PCM1: variants seen among roughly 807,000 people sequenced by gnomAD.
The protein encoded by PCM1 is pericentriolar material 1.
In PCM1, 157 loss-of-function variants were observed where a neutral mutation model predicts 241.9. The observed-to-expected ratio is 0.65, with a 90% CI of 0.57 to 0.74. The LOEUF (loss-of-function observed/expected upper bound fraction) is 0.74, where lower values mean the gene tolerates loss of function less well. Ranked by LOEUF, PCM1 falls within the 30% of genes least tolerant of loss-of-function variation. The pLI is 0.00. For missense variants in PCM1, 3,478 were observed against 2,360.1 expected, an observed-to-expected ratio of 1.47 and a Z score of -9.81; for synonymous variants, 1,085 against 784.9, an observed-to-expected ratio of 1.38 and a Z score of -6.39.
chr8:18,017,426 T>A lies in PCM1; in HGVS notation c.5841+2586T>A, dbSNP rs146699260. On this transcript the variant is annotated intron_variant, in intron 36 of 38. Transcript: ENST00000325083. ...CTATATTAGTCACCATAGCTGAACATTTTGAGAGAACATTAGAACTAGAAA... is the reference window on the plus strand; with the variant it reads ...CTATATTAGTCACCATAGCTGAACAATTTGAGAGAACATTAGAACTAGAAA... Among the ~76,000 whole-genome samples, 208 of 152,278 alleles carry A rather than the reference T, an allele frequency of 1.4e-3. 1 individual carries two copies. Among genetic ancestry groups the A allele is most frequent in the African/African-American group, 4.8e-3 (199 of 41,554 alleles).
At chr8:17,980,986 G>C (rs551312381) in intron 24 of PCM1, among the ~76,000 whole-genome samples, 3 of 152,224 alleles carry the variant, frequency 2.0e-5, no homozygotes, top group African/African-American at 7.2e-5. Context: ...CTAAACAAAG[G>C]ATAGTTACAA....
At chr8:18,003,269 C>T (rs765001482) in intron 29 of PCM1, among the ~76,000 whole-genome samples, 17 of 152,202 alleles carry the variant, frequency 1.1e-4, no homozygotes. Flanking sequence ...GAATCTTCAA[C>T]CCTCAACTGT....
At chr8:17,957,485 A>G in intron 12 of PCM1, 55 bp from the exon 13 acceptor site, 2 of 1,605,256 alleles carry the variant, frequency 1.2e-6, no homozygotes, top group East Asian at 2.2e-5. Flanking sequence ...GTTTTCGTTC[A>G]TGTGTGCTCT....
At chr8:17,929,830 CAGTA>C (rs1369303649) in intron 2 of PCM1, among the ~76,000 whole-genome samples, 11 of 152,220 alleles carry the variant, frequency 7.2e-5, no homozygotes, top group African/African-American at 2.6e-4. Context: ...AGATTAGGCT[CAGTA>C]AGAGATTAAC....
At chr8:17,956,166 T>C (rs140703677) in intron 10 of PCM1, among the ~76,000 whole-genome samples, 158 of 152,342 alleles carry the variant, frequency 1.0e-3, no homozygotes, top group African/African-American at 3.5e-3. Context: ...ACGTAGTATG[T>C]AGTGTATAGA....
At chr8:17,954,559 A>T (rs533889084) in intron 9 of PCM1, among the ~76,000 whole-genome samples, 2 of 152,184 alleles carry the variant, frequency 1.3e-5, no homozygotes, top group African/African-American at 4.8e-5. Flanking sequence ...TTTTTTCCTC[A>T]CTGGGAAGCA....
At chr8:18,004,201 T>G (rs2090557352) in intron 29 of PCM1, among the ~76,000 whole-genome samples, 1 of 152,204 alleles carries the variant, frequency 6.6e-6, no homozygotes, top group Admixed American at 6.5e-5. Context: ...AATAAAATAT[T>G]TAATACTTGA....
At position 17,947,223 on chromosome 8, in the gene PCM1, A is replaced by G; in HGVS notation, c.821A>G (p.Glu274Gly). 6.2e-7 allele frequency: 1 copy of G among 1,611,180 alleles called. No individual in the cohort carries two copies. Among genetic ancestry groups the G allele is most frequent in the African/African-American group, 1.3e-5 (1 of 74,950 alleles). The change falls in exon 7 of 39, where the codon GAA (glutamate) becomes GGA (glycine). Residue 274 changes from glutamate to glycine, a missense_variant. By Grantham distance (98) the Glu-to-Gly change is moderately conservative. Transcript: ENST00000325083. ...CAGCAGGAGCCTATGGAAGAGATAG[A>G]AAATTTGAAGAAACAACATGATTTA... ...DPQQEPMEEIENLKKQHDLLK... is the reference protein window; with the variant it reads ...DPQQEPMEEIGNLKKQHDLLK...
intron 7 of PCM1, among the ~76,000 whole-genome samples, chr8:17,949,728 C>T (rs1299074564): frequency 6.6e-6 from 1 of 152,074 alleles, no homozygotes; most frequent in African/African-American, 2.4e-5. Flanking sequence ...AACTCCTGCG[C>T]TCAAGTGATC....
In PCM1 at chr8:17,933,259, A is replaced by T. The variant is rs532834272; in HGVS notation, c.-22-2330A>T. On this transcript the variant is annotated intron_variant, in intron 2 of 38. Transcript: ENST00000325083. ...ACATTTTTCTGATTACATGTATTTG[A>T]GGGTTTTTGTTCCTGAGCTAGTACT... is the stretch of plus-strand genomic sequence containing the variant. Among the ~76,000 whole-genome samples, 5 of 152,276 alleles carry T rather than the reference A, an allele frequency of 3.3e-5. No homozygotes were observed. In the South Asian group the frequency reaches 8.3e-4, roughly 25 times the overall value.
rs894795300 is a variant in PCM1, at chr8:17,965,981, C to T, written c.2856-18C>T. On this transcript the variant is annotated intron_variant, in intron 18 of 38. Coordinates refer to ENST00000325083, the MANE Select transcript of PCM1 (RefSeq NM_006197.4). ...AATTATTATGTATGATGACTTAATG[C>T]TTTCAATCTTGTGTTAGGTGGAAGA... The T allele has an allele frequency of 6.3e-7, 1 of 1,580,484 alleles. No individual in the cohort carries two copies. The highest frequency in any genetic ancestry group is 8.6e-7 in the Non-Finnish European group (1 of 1,157,158).
At chr8:18,026,344 G>A (rs1468462871) in intron 38 of PCM1, among the ~76,000 whole-genome samples, 12 of 137,816 alleles carry the variant, frequency 8.7e-5, no homozygotes, top group Non-Finnish European at 1.5e-4. Context: ...AAGCTCCTCC[G>A]CCTCCCAGGT....
intron 23 of PCM1, among the ~76,000 whole-genome samples, chr8:17,975,677 T>TA (rs2078518345): frequency 6.6e-6 from 1 of 152,182 alleles, no homozygotes; most frequent in South Asian, 2.1e-4. Context: ...GTCCCATACT[T>TA]ACTAGACTGA....
In PCM1 at chr8:17,955,778, A is replaced by ATAGG. The variant is rs2068081228; in HGVS notation, c.1472+129_1472+132dup. 3 of 773,504 alleles carry ATAGG rather than the reference A, an allele frequency of 3.9e-6. No homozygotes were observed. The African/African-American group carries it at 5.2e-5, about 13-fold the overall frequency. 47.9% of individuals were successfully genotyped at this position (773,504 alleles called of 1,614,324 possible). On this transcript the variant is annotated intron_variant, in intron 10 of 38. Coordinates refer to ENST00000325083, the MANE Select transcript of PCM1 (RefSeq NM_006197.4). ...ATATTGTTGTAAACATTCTTAAGGG[A>ATAGG]TAGGTAGAAGAGGCGTGTGTGTGTT...
rs2082319025 is a variant in PCM1, at chr8:17,985,608, T to C, written c.4270T>C (p.Tyr1424His). The change falls in exon 25 of 39, where the codon TAT (tyrosine) becomes CAT (histidine). Residue 1424 changes from tyrosine to histidine, a missense_variant. Tyr to His is a moderately conservative substitution (Grantham distance 83). Transcript: ENST00000325083. ...NTDYLRQRAL[Y>H]ALQDIVSRHI... ...AGACTACTTGAGACAGAGGGCTTTA[T>C]ATGCATTGCAGGTATCTGGTACCTA... The C allele has an allele frequency of 2.5e-6, 4 of 1,605,210 alleles. No individual in the cohort carries two copies. Among genetic ancestry groups the C allele is most frequent in the African/African-American group, 1.3e-5 (1 of 74,794 alleles).
chr8:17,943,243 T>C (rs2062757227), intron 6 of PCM1, among the ~76,000 whole-genome samples: 1 of 151,796 alleles, frequency 6.6e-6, no homozygotes. Flanking sequence ...CTCTAGTATT[T>C]TGGCAGTTTT....
At chr8:17,942,933 G>GTT (rs2062619066) in intron 6 of PCM1, among the ~76,000 whole-genome samples, 1 of 150,974 alleles carries the variant, frequency 6.6e-6, no homozygotes, top group African/African-American at 2.4e-5. Context: ...GGAGGCGGAG[G>GTT]TTGCAGCGAG....
chr8:17,964,203 A>G (rs78584359), intron 17 of PCM1, among the ~76,000 whole-genome samples: 8 of 152,312 alleles, frequency 5.3e-5, no homozygotes, highest in African/African-American at 1.2e-4. Flanking sequence ...CCTAGTGTCT[A>G]CTGTATTGGA....
chr8:17,940,952 C>G (rs975770079), intron 6 of PCM1, among the ~76,000 whole-genome samples: 1 of 152,046 alleles, frequency 6.6e-6, no homozygotes, highest in Non-Finnish European at 1.5e-5. Context: ...TTGAGGTGTT[C>G]AAAATGCCAT....
Sources: gnomAD v4.1 joint callset for allele counts (sites outside exome capture counted in the v4.1 genomes callset) on GRCh38, gnomAD v4.1.1 for gene constraint, MANE v1.5 for transcripts, NCBI Gene and HGNC (gene_info 2026-07-23, HGNC 2026-07-21) for gene names.